LRRC4C: variants seen among roughly 807,000 people sequenced by gnomAD.
The protein encoded by LRRC4C is leucine-rich repeat-containing protein 4C.
A neutral mutation model predicts 33.6 loss-of-function variants in LRRC4C; 5 were observed. The ratio of observed to expected loss-of-function variants is 0.15; its 90% CI spans 0.08 to 0.31. The LOEUF is 0.31. Ranked by LOEUF, LRRC4C falls within the 10% of genes least tolerant of loss-of-function variation. LRRC4C has a pLI of 1.00. For missense variants in LRRC4C, 560 were observed against 796.7 expected (o/e 0.70, Z 3.58); for synonymous variants, 329 against 302.0 (o/e 1.09, Z -0.93).
chr11:41,371,382 A>G (rs932275082), intron 1 of LRRC4C, among the ~76,000 whole-genome samples: 1 of 152,246 alleles, frequency 6.6e-6, no homozygotes, highest in Admixed American at 6.5e-5. Flanking sequence ...CCAGATTCCA[A>G]TGTCCAAACT....
intron 1 of LRRC4C, among the ~76,000 whole-genome samples, chr11:41,287,633 C>T (rs537016917): frequency 6.6e-6 from 1 of 152,250 alleles, no homozygotes; most frequent in African/African-American, 2.4e-5. Context: ...TACTGGCAAA[C>T]AGATATCAAT....
At chr11:40,463,462 A>C (rs1469917737) in intron 3 of LRRC4C, among the ~76,000 whole-genome samples, 1 of 152,000 alleles carries the variant, frequency 6.6e-6, no homozygotes, top group African/African-American at 2.4e-5. Context: ...AAAAAGAGAA[A>C]GTGGTCTTCT....
At chr11:41,128,821 C>T (rs767381394) in intron 1 of LRRC4C, among the ~76,000 whole-genome samples, 17 of 152,060 alleles carry the variant, frequency 1.1e-4, no homozygotes, top group Non-Finnish European at 2.2e-4. Context: ...ACCATTTTCA[C>T]TACTGTGGAA....
intron 1 of LRRC4C, among the ~76,000 whole-genome samples, chr11:41,000,655 G>T (rs1355030535): frequency 2.6e-5 from 4 of 152,150 alleles, no homozygotes; most frequent in Admixed American, 1.3e-4. Context: ...GATTGGACAT[G>T]CATCCTACTG....
intron 1 of LRRC4C, among the ~76,000 whole-genome samples, chr11:41,441,653 C>G (rs1955624960): frequency 6.7e-6 from 1 of 149,604 alleles, no homozygotes; most frequent in Non-Finnish European, 1.5e-5. Context: ...TGGCATGTCT[C>G]TTCCTTCTAT....
At chr11:41,270,667 A>G (rs939677007) in intron 1 of LRRC4C, among the ~76,000 whole-genome samples, 4 of 152,106 alleles carry the variant, frequency 2.6e-5, no homozygotes, top group African/African-American at 9.7e-5. Flanking sequence ...TCAGTCCTCA[A>G]TTCCACCATT....
intron 1 of LRRC4C, among the ~76,000 whole-genome samples, chr11:41,302,854 A>G (rs769780603): frequency 2.1e-4 from 32 of 151,982 alleles, no homozygotes; most frequent in Non-Finnish European, 3.7e-4. Context: ...TATACTCCCA[A>G]AGCATCGTTT....
intron 3 of LRRC4C, among the ~76,000 whole-genome samples, chr11:40,542,469 T>C (rs1956760318): frequency 6.6e-6 from 1 of 152,146 alleles, no homozygotes; most frequent in African/African-American, 2.4e-5. Flanking sequence ...TTTTTGATTG[T>C]GGGTATACCT....
chr11:40,446,727 G>A (rs1442109911), intron 3 of LRRC4C: 1 of 152,144 alleles, frequency 6.6e-6, no homozygotes, highest in Non-Finnish European at 1.5e-5. Context: ...AGGGGTGCAG[G>A]TTCCTTCCTT....
intron 5 of LRRC4C, among the ~76,000 whole-genome samples, chr11:40,223,653 G>A (rs1256509135): frequency 2.0e-5 from 3 of 152,120 alleles, no homozygotes; most frequent in Non-Finnish European, 4.4e-5. Context: ...TTGTGTTACT[G>A]GACAATCATT....
chr11:40,271,015 C>G (rs1590873031), intron 4 of LRRC4C, among the ~76,000 whole-genome samples: 1 of 152,070 alleles, frequency 6.6e-6, no homozygotes, highest in Non-Finnish European at 1.5e-5. Flanking sequence ...CAGGGTGTTG[C>G]CACAAAAGTT....
intron 2 of LRRC4C, among the ~76,000 whole-genome samples, chr11:40,919,018 A>AG (rs1957071978): frequency 6.6e-6 from 1 of 152,176 alleles, no homozygotes; most frequent in Non-Finnish European, 1.5e-5. Context: ...TTAAAAAAAA[A>AG]TAATTTGCTG....
chr11:40,140,867 A>G lies in LRRC4C; in HGVS notation c.-95-14T>C, dbSNP rs747202895. The G allele has an allele frequency of 1.9e-4, 29 of 152,210 alleles. No homozygotes were observed. Among genetic ancestry groups the G allele is most frequent in the African/African-American group, 4.3e-4 (18 of 41,418 alleles). The allele number at this position is 152,210 out of a possible 1,614,324, so 9.4% of individuals were successfully genotyped here. A position where few individuals can be genotyped will look rare whatever the true frequency, so the allele number is the denominator to read the frequency against. On this transcript the variant is annotated splice_polypyrimidine_tract_variant and intron_variant, in intron 5 of 6. Coordinates refer to ENST00000528697, the MANE Select transcript of LRRC4C (RefSeq NM_001258419.2). ...GCGTTTGCCAATCTAAAAAAAAAAA[A>G]AAAAGAAAAGAAAAGAAAAAAAAGC...
chr11:40,516,558 G>GCACACA (rs1272568752), intron 3 of LRRC4C, among the ~76,000 whole-genome samples: 2 of 152,078 alleles, frequency 1.3e-5, no homozygotes, highest in Non-Finnish European at 2.9e-5. Flanking sequence ...GGAGATGGTA[G>GCACACA]CATAGAAAGA....
chr11:40,790,125 T>C (rs532279148), intron 2 of LRRC4C, among the ~76,000 whole-genome samples: 63 of 152,306 alleles, frequency 4.1e-4, no homozygotes, highest in Non-Finnish European at 7.2e-4. Context: ...AAGATTTCAG[T>C]GACAAAACTT....
At chr11:40,176,676 T>C (rs570432843) in intron 5 of LRRC4C, among the ~76,000 whole-genome samples, 210 of 151,990 alleles carry the variant, frequency 1.4e-3, no homozygotes, top group African/African-American at 4.7e-3. Context: ...CAGTAGCTGG[T>C]ACTGCAGGTG....
intron 1 of LRRC4C, among the ~76,000 whole-genome samples, chr11:41,163,852 T>G (rs550607822): frequency 1.4e-4 from 21 of 152,270 alleles, no homozygotes; most frequent in Admixed American, 1.2e-3. Context: ...CCTCAGGTGA[T>G]CCACCTGCTT....
intron 1 of LRRC4C, among the ~76,000 whole-genome samples, chr11:41,292,404 G>A (rs569173614): frequency 9.5e-4 from 141 of 148,934 alleles, no homozygotes; most frequent in Admixed American, 3.3e-3. Context: ...AAACAGCAGC[G>A]TAAAAAAAAA....
intron 2 of LRRC4C, among the ~76,000 whole-genome samples, chr11:40,787,085 A>G (rs965236083): frequency 9.2e-5 from 14 of 152,200 alleles, no homozygotes; most frequent in African/African-American, 3.4e-4. Flanking sequence ...CTGAAGAGCC[A>G]CATAGTAGTT....
Sources: allele counts gnomAD v4.1 joint callset (sites outside exome capture counted in the v4.1 genomes callset), GRCh38; gene constraint gnomAD v4.1.1; transcripts MANE v1.5; gene names NCBI Gene and HGNC (gene_info 2026-07-23, HGNC 2026-07-21).